GYPB: variants seen among roughly 807,000 people sequenced by gnomAD.
GYPB encodes glycophorin-B.
A neutral mutation model predicts 15.3 loss-of-function variants in GYPB; 13 were observed. That is an observed-to-expected ratio of 0.85 (90% CI 0.55 to 1.35). GYPB has a LOEUF of 1.35. Ranked by LOEUF, GYPB falls within the 40% of genes most tolerant of loss-of-function variation. The pLI, the probability that GYPB is intolerant of heterozygous loss-of-function variation, is 0.00. For synonymous variants in GYPB, 38 were observed against 36.9 expected, an observed-to-expected ratio of 1.03 and a Z score of -0.11; for missense variants, 131 against 108.3, an observed-to-expected ratio of 1.21 and a Z score of -0.93.
chr4:144,013,858 A>G (rs1280921742), intron 1 of GYPB, among the ~76,000 whole-genome samples: 1 of 150,798 alleles, frequency 6.6e-6, no homozygotes, highest in Admixed American at 6.6e-5. Context: ...CCAGCATGGC[A>G]CATGTATACA....
intron 1 of GYPB, among the ~76,000 whole-genome samples, chr4:144,017,291 T>G (rs942588501): frequency 1.0e-4 from 15 of 149,356 alleles, no homozygotes; most frequent in African/African-American, 3.8e-4. Context: ...TCGGCTTTAT[T>G]CTTAAGATTC....
Position 143,996,494 on chromosome 4 carries a change from A to G in GYPB, c.271-190T>C, listed in dbSNP as rs371512443. 2.6e-5 allele frequency among the ~76,000 whole-genome samples: 4 copies of G among 151,314 alleles called. 1 individual carries two copies. The highest frequency in any genetic ancestry group is 9.8e-5 in the African/African-American group (4 of 40,648). ...AAAAACCCTAATTAGGGCCGGGCGC[A>G]GTGGCTCACACCTGTAATCCCAGCA... On this transcript the variant is annotated intron_variant, in intron 4 of 4. Transcript: ENST00000502664.
At chr4:144,008,398 T>G (rs764024384) in intron 1 of GYPB, 13 of 455,204 alleles carry the variant, frequency 2.9e-5, no homozygotes, top group Middle Eastern at 3.2e-4. Flanking sequence ...TCACCTTGTT[T>G]ATAGCCTGAG....
chr4:144,018,278 C>G (rs552081768), intron 1 of GYPB, among the ~76,000 whole-genome samples: 17 of 151,424 alleles, frequency 1.1e-4, no homozygotes, highest in Non-Finnish European at 2.2e-4. Flanking sequence ...AGAAGTAAAA[C>G]TAGATTTGAA....
chr4:144,013,328 A>C, intron 1 of GYPB, among the ~76,000 whole-genome samples: 1 of 151,080 alleles, frequency 6.6e-6, no homozygotes, highest in East Asian at 1.9e-4. Flanking sequence ...GTGGGACTGT[A>C]AACTAGTTCA....
intron 4 of GYPB, 168 bp downstream of exon 4, chr4:143,997,372 A>C: frequency 5.8e-6 from 3 of 520,818 alleles, no homozygotes. Context: ...CAAATGCAAA[A>C]AAAAAATTCT....
chr4:143,998,525 C>T (rs2149955642), intron 3 of GYPB, among the ~76,000 whole-genome samples: 1 of 147,296 alleles, frequency 6.8e-6, no homozygotes, highest in African/African-American at 2.6e-5. Context: ...GCTTTTTACC[C>T]TGTGAGCCAT....
chr4:144,001,437 G>C (rs781683130), intron 1 of GYPB, among the ~76,000 whole-genome samples, 154 bp from the exon 2 acceptor site: 1 of 151,456 alleles, frequency 6.6e-6, no homozygotes, highest in African/African-American at 2.5e-5. Context: ...GAATTGCTGC[G>C]TGGTAAGTAT....
intron 1 of GYPB, among the ~76,000 whole-genome samples, chr4:144,011,671 G>T (rs1469716774): frequency 2.6e-5 from 4 of 151,096 alleles, no homozygotes; most frequent in Admixed American, 2.0e-4. Context: ...ACACAGAAAG[G>T]ATCTGAAATA....
At chr4:143,997,943 G>A (rs1727415750) in intron 3 of GYPB, among the ~76,000 whole-genome samples, 1 of 151,122 alleles carries the variant, frequency 6.6e-6, no homozygotes, top group Admixed American at 6.6e-5. Context: ...GAACTCAGTG[G>A]ACGTTCTCCT....
chr4:144,003,499 T>C (rs1305239510), intron 1 of GYPB, among the ~76,000 whole-genome samples: 2 of 151,404 alleles, frequency 1.3e-5, no homozygotes, highest in Admixed American at 6.6e-5. Flanking sequence ...CAAAAGAATA[T>C]GGCAAAGAAC....
chr4:144,001,208 C>T lies in GYPB; in HGVS notation c.113G>A (p.Ser38Asn), dbSNP rs780105253. The change falls in exon 2 of 5, where the codon AGT (serine) becomes AAT (asparagine). Residue 38 changes from serine to asparagine, a missense_variant. Ser to Asn is a conservative substitution (Grantham distance 46). Transcript: ENST00000502664. ...ACCATTTGTCTGTGATGAGATGTAA[C>T]TCTTTGTGACTGAAGAAGAGGTTGA... ...HTSTSSSVTK[S>N]YISSQTNGET... 1.3e-5 allele frequency: 21 copies of T among 1,612,854 alleles called. No individual in the cohort carries two copies. The highest frequency in any genetic ancestry group is 1.7e-5 in the Non-Finnish European group (20 of 1,179,806).
At chr4:143,995,744 G>A (rs981332330), downstream of GYPB, among the ~76,000 whole-genome samples, 1 of 151,354 alleles carries the variant, frequency 6.6e-6, no homozygotes, top group Non-Finnish European at 1.5e-5. Context: ...GGATACTAAA[G>A]TAAGCCTATC....
intron 1 of GYPB, among the ~76,000 whole-genome samples, chr4:144,013,984 C>T (rs982398417): frequency 6.6e-6 from 1 of 151,436 alleles, no homozygotes; most frequent in Non-Finnish European, 1.5e-5. Flanking sequence ...ATGCAGTTAC[C>T]AACAATTACA....
In GYPB at chr4:144,007,505, C is replaced by G. The variant is rs1306647389; in HGVS notation, c.38-6222G>C. Among the ~76,000 whole-genome samples, 3 of 151,262 alleles carry G rather than the reference C, an allele frequency of 2.0e-5. No homozygotes were observed. In the East Asian group the frequency reaches 5.8e-4, roughly 29 times the overall value. ...CTGAACTTTTTATCCTGGCTCTGTA[C>G]TATCCAGCTTCTGGTCATCCACACT... On this transcript the variant is annotated intron_variant, in intron 1 of 4. Coordinates refer to ENST00000502664, the MANE Select transcript of GYPB (RefSeq NM_002100.6).
intron 1 of GYPB, among the ~76,000 whole-genome samples, chr4:144,007,543 T>G (rs1727986833): frequency 6.6e-6 from 1 of 151,456 alleles, no homozygotes; most frequent in Admixed American, 6.6e-5. Flanking sequence ...CCCAAACCAT[T>G]GCTGAGACAG....
chr4:143,996,262 G>T lies in GYPB; in HGVS notation c.*37C>A, dbSNP rs769983972. ...AACAAGAGAACAGCAGGTGCAGCCG[G>T]TTCTAGGCAAGATCAGGCAGCATGC... On this transcript the variant is annotated 3_prime_UTR_variant, in exon 5 of 5. Transcript: ENST00000502664. 30 of 1,550,644 alleles carry T rather than the reference G, an allele frequency of 1.9e-5. No individual in the cohort carries two copies. Among genetic ancestry groups the T allele is most frequent in the Non-Finnish European group, 2.5e-5 (29 of 1,146,998 alleles).
chr4:144,000,073 C>G, intron 2 of GYPB: 1 of 181,588 alleles, frequency 5.5e-6, no homozygotes. Flanking sequence ...ATGAAGCTCT[C>G]TTATACCAAA....
At chr4:144,002,104 A>G (rs1386494718) in intron 1 of GYPB, among the ~76,000 whole-genome samples, 2 of 151,282 alleles carry the variant, frequency 1.3e-5, no homozygotes, top group Non-Finnish European at 1.5e-5. Flanking sequence ...TAAATGCAAT[A>G]CATTTCAAAT....
Sources: gnomAD v4.1 joint callset for allele counts (sites outside exome capture counted in the v4.1 genomes callset) on GRCh38, gnomAD v4.1.1 for gene constraint, MANE v1.5 for transcripts, NCBI Gene and HGNC (gene_info 2026-07-23, HGNC 2026-07-21) for gene names.